The following PDE4D variants were observed in gnomAD, a reference collection of about 807,000 sequenced individuals.
PDE4D encodes 3',5'-cyclic-AMP phosphodiesterase 4D.
In PDE4D, 24 loss-of-function variants were observed where a neutral mutation model predicts 87.4. The ratio of observed to expected loss-of-function variants is 0.27; its 90% CI spans 0.20 to 0.39. The LOEUF (loss-of-function observed/expected upper bound fraction) is 0.39. PDE4D is among the 10% of genes least tolerant of loss of function. The pLI, the probability that PDE4D is intolerant of heterozygous loss-of-function variation, is 1.00. For synonymous variants in PDE4D, 384 were observed against 383.2 expected, an observed-to-expected ratio of 1.00 and a Z score of -0.02; for missense variants, 714 against 1,041.0, an observed-to-expected ratio of 0.69 and a Z score of 4.32.
chr5:59,032,238 CAAAT>C (rs1453487208), intron 6 of PDE4D, among the ~76,000 whole-genome samples: 26 of 151,828 alleles, frequency 1.7e-4, no homozygotes, highest in Non-Finnish European at 2.9e-4. Flanking sequence ...GAATAATTGA[CAAAT>C]AAATTTTAAA....
At chr5:59,389,085 T>G (rs1260205710) in intron 1 of PDE4D, among the ~76,000 whole-genome samples, 1 of 152,026 alleles carries the variant, frequency 6.6e-6, no homozygotes, top group Admixed American at 6.6e-5. Context: ...CCCCTGAAAC[T>G]ATATGAAAAA....
intron 1 of PDE4D, among the ~76,000 whole-genome samples, chr5:59,632,614 G>T (rs1056627530): frequency 6.6e-6 from 1 of 152,142 alleles, no homozygotes; most frequent in African/African-American, 2.4e-5. Flanking sequence ...GTGTGGAGTG[G>T]ACCTCCAGCA....
intron 1 of PDE4D, among the ~76,000 whole-genome samples, chr5:59,246,790 T>G (rs1758927556): frequency 2.0e-5 from 3 of 152,172 alleles, no homozygotes. Context: ...TTGGAATCAT[T>G]GCAATTTTTA....
At chr5:60,406,362 T>G (rs754787371) in intron 1 of PDE4D, among the ~76,000 whole-genome samples, 10 of 152,196 alleles carry the variant, frequency 6.6e-5, no homozygotes, top group Non-Finnish European at 4.4e-5. Context: ...CCAAACTCTT[T>G]CAACTGTTTT....
intron 2 of PDE4D, among the ~76,000 whole-genome samples, chr5:60,047,346 G>GT (rs1174293410): frequency 8.5e-5 from 13 of 152,160 alleles, no homozygotes; most frequent in South Asian, 2.1e-4. Flanking sequence ...TTTTTGAAGG[G>GT]TTTTTTGTGT....
intron 1 of PDE4D, among the ~76,000 whole-genome samples, chr5:59,692,966 T>G (rs1192203065): frequency 2.0e-5 from 3 of 152,106 alleles, no homozygotes; most frequent in African/African-American, 7.2e-5. Flanking sequence ...AAATAAGAAG[T>G]TGTTTGCTAA....
intron 3 of PDE4D, among the ~76,000 whole-genome samples, chr5:59,924,406 C>T (rs937546091): frequency 3.9e-5 from 6 of 151,990 alleles, no homozygotes; most frequent in African/African-American, 1.4e-4. Flanking sequence ...GCAGATTTAA[C>T]CCAAAGAAGA....
chr5:59,129,334 G>A (rs762856971), intron 5 of PDE4D, among the ~76,000 whole-genome samples: 28 of 152,030 alleles, frequency 1.8e-4, no homozygotes, highest in Non-Finnish European at 3.8e-4. Context: ...AAACTCCTGG[G>A]CTCAAGTAAT....
intron 1 of PDE4D, among the ~76,000 whole-genome samples, chr5:60,227,321 G>T (rs966411625): frequency 6.6e-6 from 1 of 151,922 alleles, no homozygotes; most frequent in African/African-American, 2.4e-5. Context: ...AAAATATAAA[G>T]ATTAGAGAAC....
At chr5:59,316,170 T>G (rs184183559) in intron 1 of PDE4D, among the ~76,000 whole-genome samples, 1 of 152,220 alleles carries the variant, frequency 6.6e-6, no homozygotes, top group East Asian at 1.9e-4. Context: ...GATCAAGAGG[T>G]ACATGAAGAT....
intron 2 of PDE4D, among the ~76,000 whole-genome samples, chr5:60,109,737 C>G (rs551900745): frequency 6.6e-6 from 1 of 152,234 alleles, no homozygotes; most frequent in Admixed American, 6.5e-5. Context: ...TGGAAATCAT[C>G]ATTCTCAGTA....
intron 1 of PDE4D, among the ~76,000 whole-genome samples, chr5:60,416,769 G>A (rs892495809): frequency 1.3e-5 from 2 of 152,206 alleles, no homozygotes; most frequent in African/African-American, 4.8e-5. Context: ...TAATATCCAA[G>A]ACTCTGGGGC....
rs1312235825 is a variant in PDE4D at position 59,452,318 on chromosome 5, C to T, written c.456-236350G>A. Reference sequence around the variant, plus strand: ...CTCCTATCAAGGCTTTATCAAACAGCTTCCGACTAAGCTAAAAGAAACACT... The same window carrying T: ...CTCCTATCAAGGCTTTATCAAACAGTTTCCGACTAAGCTAAAAGAAACACT... On this transcript the variant is annotated intron_variant, in intron 1 of 14. Transcript: ENST00000340635. Among the ~76,000 whole-genome samples, 6 of 152,194 alleles carry T rather than the reference C, an allele frequency of 3.9e-5. No individual in the cohort carries two copies. The East Asian group carries it at 1.2e-3, about 29-fold the overall frequency.
intron 1 of PDE4D, among the ~76,000 whole-genome samples, chr5:59,362,494 T>A (rs1210177747): frequency 6.9e-6 from 1 of 145,932 alleles, no homozygotes; most frequent in Non-Finnish European, 1.5e-5. Context: ...CTCTAAGAAC[T>A]TTGTTTACAA....
At chr5:60,107,052 AATTAATG>A (rs1421830834) in intron 2 of PDE4D, among the ~76,000 whole-genome samples, 1 of 152,174 alleles carries the variant, frequency 6.6e-6, no homozygotes, top group Non-Finnish European at 1.5e-5. Context: ...ACCCTTCAAA[AATTAATG>A]AATCCAGGAG....
At chr5:59,066,410 G>C (rs1763942847) in intron 5 of PDE4D, among the ~76,000 whole-genome samples, 3 of 152,124 alleles carry the variant, frequency 2.0e-5, no homozygotes, top group Non-Finnish European at 4.4e-5. Flanking sequence ...AGGGGACCCA[G>C]GCAAAGAGAA....
chr5:60,262,378 G>A (rs367949611), intron 1 of PDE4D: 2 of 152,282 alleles, frequency 1.3e-5, no homozygotes, highest in Non-Finnish European at 1.5e-5. Flanking sequence ...GCAAACTTAA[G>A]TTCAAATCCT....
At chr5:59,053,606 G>A (rs901472811) in intron 5 of PDE4D, among the ~76,000 whole-genome samples, 2 of 140,200 alleles carry the variant, frequency 1.4e-5, no homozygotes, top group Non-Finnish European at 3.1e-5. Flanking sequence ...CTCTTAAATT[G>A]TTGAATTAAG....
intron 1 of PDE4D, among the ~76,000 whole-genome samples, chr5:59,721,622 T>A (rs1420685209): frequency 6.6e-6 from 1 of 152,166 alleles, no homozygotes; most frequent in African/African-American, 2.4e-5. Flanking sequence ...ATTACCAAGC[T>A]ACACTGCTTC....
Sources: allele counts gnomAD v4.1 joint callset (sites outside exome capture counted in the v4.1 genomes callset), GRCh38; gene constraint gnomAD v4.1.1; transcripts MANE v1.5; gene names NCBI Gene and HGNC (gene_info 2026-07-23, HGNC 2026-07-21).